The following VPS8 variants were observed in gnomAD, a reference collection of about 807,000 sequenced individuals.
VPS8 encodes the protein VPS8 subunit of CORVET complex, also known as vacuolar protein sorting-associated protein 8 homolog.
VPS8 carries 129 observed loss-of-function variants against 216.4 expected under a neutral mutation model. The ratio of observed to expected loss-of-function variants is 0.60; its 90% confidence interval spans 0.52 to 0.69. VPS8 has a LOEUF of 0.69. Ranked by LOEUF, VPS8 falls within the 30% of genes least tolerant of loss-of-function variation. VPS8 has a pLI of 0.00. For synonymous variants in VPS8, 571 were observed against 565.4 expected, an observed-to-expected ratio of 1.01 and a Z score of -0.14; for missense variants, 1,531 against 1,683.5, an observed-to-expected ratio of 0.91 and a Z score of 1.59.
intron 37 of VPS8, 43 bp from the exon 38 acceptor site, chr3:184,964,425 A>G (rs1264309291): frequency 7.6e-7 from 1 of 1,321,888 alleles, no homozygotes; most frequent in Non-Finnish European, 1.0e-6. Flanking sequence ...CACTCCACAA[A>G]TAAGATTGGT....
intron 22 of VPS8, among the ~76,000 whole-genome samples, chr3:184,894,458 A>G (rs1441397934): frequency 6.6e-6 from 1 of 150,426 alleles, no homozygotes; most frequent in African/African-American, 2.4e-5. Flanking sequence ...TTTGTTAAAG[A>G]AGTGTTGGGA....
chr3:184,873,557 C>A (rs1037042465), intron 21 of VPS8, among the ~76,000 whole-genome samples: 1 of 151,900 alleles, frequency 6.6e-6, no homozygotes, highest in Non-Finnish European at 1.5e-5. Flanking sequence ...TTATTTGTTC[C>A]AGGTCACAAA....
At chr3:185,011,568 C>G (rs1329098384) in intron 45 of VPS8, among the ~76,000 whole-genome samples, 1 of 152,190 alleles carries the variant, frequency 6.6e-6, no homozygotes, top group East Asian at 1.9e-4. Flanking sequence ...GCATCAGGTA[C>G]TAAAGAACTA....
Position 184,850,008 on chromosome 3 carries a change from A to G in VPS8, c.739A>G (p.Ile247Val). The G allele has an allele frequency of 6.2e-7, 1 of 1,612,066 alleles. No homozygotes were observed. The change falls in exon 10 of 48, where the codon ATA becomes GTA. Residue 247 changes from isoleucine to valine, a missense_variant. Transcript: ENST00000625842. Reference sequence around the variant, plus strand: ...AGATGCTCATCCTCCAGGAACAGCAATATTGCATATCAAGGTAAGAGCTTT... The same window carrying G: ...AGATGCTCATCCTCCAGGAACAGCAGTATTGCATATCAAGGTAAGAGCTTT... ...ITDAHPPGTAILHIKFTDDPT... is the reference protein window; with the variant it reads ...ITDAHPPGTAVLHIKFTDDPT...
At chr3:184,852,462 T>C (rs1454127201) in intron 10 of VPS8, 38 bp from the exon 11 acceptor site, 2 of 1,596,022 alleles carry the variant, frequency 1.3e-6, no homozygotes, top group Non-Finnish European at 1.7e-6. Flanking sequence ...CTTGACTGTT[T>C]AAAAATGTAC....
chr3:184,830,773 C>T (rs1223520096), intron 3 of VPS8, among the ~76,000 whole-genome samples: 2 of 152,132 alleles, frequency 1.3e-5, no homozygotes, highest in African/African-American at 4.8e-5. Context: ...CTTCCCTTTT[C>T]CTACAGCAAT....
intron 17 of VPS8, 76 bp downstream of exon 17, chr3:184,867,026 A>G (rs1025282065): frequency 3.6e-6 from 5 of 1,371,476 alleles, no homozygotes; most frequent in East Asian, 2.3e-5. Flanking sequence ...GCTGGTAAAG[A>G]GGGCAGTATA....
intron 45 of VPS8, among the ~76,000 whole-genome samples, chr3:185,014,164 C>CTCA (rs1755444052): frequency 6.6e-6 from 1 of 152,198 alleles, no homozygotes; most frequent in African/African-American, 2.4e-5. Flanking sequence ...TGAAGGAATA[C>CTCA]TCACGGCAAT....
chr3:185,004,152 G>A (rs1032998671), intron 45 of VPS8, among the ~76,000 whole-genome samples: 3 of 152,334 alleles, frequency 2.0e-5, no homozygotes, highest in South Asian at 4.1e-4. Context: ...AGGCTGCAGC[G>A]AGCCGAGACC....
intron 46 of VPS8, among the ~76,000 whole-genome samples, chr3:185,033,533 G>A (rs570038716): frequency 2.0e-5 from 3 of 152,260 alleles, no homozygotes; most frequent in African/African-American, 4.8e-5. Flanking sequence ...ACCTACTGCG[G>A]GACATCCTAG....
intron 34 of VPS8, among the ~76,000 whole-genome samples, chr3:184,932,857 T>A (rs1293788309): frequency 6.6e-6 from 1 of 152,252 alleles, no homozygotes; most frequent in Non-Finnish European, 1.5e-5. Context: ...TCCATTCTAC[T>A]GCTGCTAGGC....
At chr3:184,974,625 T>G (rs1748965169) in intron 40 of VPS8, among the ~76,000 whole-genome samples, 1 of 152,088 alleles carries the variant, frequency 6.6e-6, no homozygotes, top group African/African-American at 2.4e-5. Context: ...GCTGTAAAAT[T>G]TTTGTCTAGA....
chr3:185,018,474 T>G (rs1756149253), intron 45 of VPS8, among the ~76,000 whole-genome samples: 1 of 152,150 alleles, frequency 6.6e-6, no homozygotes, highest in Non-Finnish European at 1.5e-5. Flanking sequence ...CCCCCAAAAG[T>G]TGGTCTGCAG....
chr3:185,035,782 TAAAAG>T (rs1758798601), intron 46 of VPS8, among the ~76,000 whole-genome samples: 1 of 152,108 alleles, frequency 6.6e-6, no homozygotes, highest in Admixed American at 6.5e-5. Context: ...GAGAAAGAAA[TAAAAG>T]GCATCCAAAT....
chr3:184,834,194 C>A (rs1424952092), intron 4 of VPS8, among the ~76,000 whole-genome samples: 1 of 152,118 alleles, frequency 6.6e-6, no homozygotes, highest in African/African-American at 2.4e-5. Flanking sequence ...CGGAGGAGTG[C>A]TCTGTAGGCA....
intron 47 of VPS8, 149 bp from the exon 48 acceptor site, chr3:185,051,727 T>C (rs1274582838): frequency 2.1e-6 from 2 of 957,006 alleles, no homozygotes; most frequent in East Asian, 5.8e-5. Flanking sequence ...ACTGCTCGTT[T>C]GTGATATATG....
At chr3:184,826,013 T>C in intron 2 of VPS8, 150 bp from the exon 3 acceptor site, 1 of 602,562 alleles carries the variant, frequency 1.7e-6, no homozygotes, top group South Asian at 2.2e-5. Context: ...CTCTGTAGTC[T>C]TGACTTGATT....
intron 40 of VPS8, among the ~76,000 whole-genome samples, chr3:184,972,801 T>C (rs1748637425): frequency 6.6e-6 from 1 of 152,240 alleles, no homozygotes; most frequent in South Asian, 2.1e-4. Context: ...TCTGCAATAG[T>C]TTTAAGAAGT....
At chr3:185,029,310 C>A (rs117739577) in intron 46 of VPS8, among the ~76,000 whole-genome samples, 2 of 152,304 alleles carry the variant, frequency 1.3e-5, no homozygotes, top group East Asian at 3.9e-4. Flanking sequence ...ACAAAGGAAG[C>A]AGCAGTGTTC....
Sources: gnomAD v4.1 joint callset for allele counts (sites outside exome capture counted in the v4.1 genomes callset) on GRCh38, gnomAD v4.1.1 for gene constraint, MANE v1.5 for transcripts, NCBI Gene and HGNC (gene_info 2026-07-23, HGNC 2026-07-21) for gene names.